The following XKR6 variants were observed in gnomAD, a reference collection of about 807,000 sequenced individuals.
The protein encoded by XKR6 is XK-related protein 6.
In XKR6, 22 loss-of-function variants were observed where a neutral mutation model predicts 56.7. The ratio of observed to expected loss-of-function variants is 0.39; its 90% CI spans 0.28 to 0.55. XKR6 has a LOEUF of 0.55. XKR6 is among the 20% of genes least tolerant of loss of function. The pLI is 0.66. For missense variants in XKR6, 852 were observed against 889.0 expected, an observed-to-expected ratio of 0.96 and a Z score of 0.53; for synonymous variants, 524 against 387.8, an observed-to-expected ratio of 1.35 and a Z score of -4.13.
At chr8:11,007,754 G>C (rs1179496980) in intron 1 of XKR6, among the ~76,000 whole-genome samples, 1 of 152,206 alleles carries the variant, frequency 6.6e-6, no homozygotes, top group African/African-American at 2.4e-5. Flanking sequence ...AGGAACAGAG[G>C]CAGCAGGGCA....
intron 1 of XKR6, among the ~76,000 whole-genome samples, chr8:11,040,604 T>G (rs1799262352): frequency 6.6e-6 from 1 of 152,100 alleles, no homozygotes; most frequent in Non-Finnish European, 1.5e-5. Context: ...TTCTGAAGGC[T>G]TGGGAGTCCA....
At chr8:11,097,873 G>T (rs1348970177) in intron 1 of XKR6, among the ~76,000 whole-genome samples, 1 of 146,444 alleles carries the variant, frequency 6.8e-6, no homozygotes. Flanking sequence ...AAATTCTACA[G>T]TTTTTTTTTT....
At chr8:11,075,834 T>C (rs905948207) in intron 1 of XKR6, among the ~76,000 whole-genome samples, 1 of 151,988 alleles carries the variant, frequency 6.6e-6, no homozygotes, top group East Asian at 1.9e-4. Flanking sequence ...GATCACACCA[T>C]TGCACTCCAG....
At chr8:11,015,262 G>A (rs149063003) in intron 1 of XKR6, among the ~76,000 whole-genome samples, 139 of 151,706 alleles carry the variant, frequency 9.2e-4, no homozygotes, top group African/African-American at 3.3e-3. Flanking sequence ...GCATTGCTCT[G>A]AAATCCTCTC....
Position 11,194,165 on chromosome 8 carries a change from C to T in XKR6, c.764+6411G>A, listed in dbSNP as rs1039248402. On this transcript the variant is annotated intron_variant, in intron 1 of 2. Transcript: ENST00000416569. ...ATCAAACCAGAATCTGAAATTCCCT[C>T]TTTAAAGCTATTTTCAAAGCACAAA... 8.5e-5 allele frequency among the ~76,000 whole-genome samples: 13 copies of T among 152,186 alleles called. 1 individual carries two copies. The highest frequency in any genetic ancestry group is 3.1e-4 in the African/African-American group (13 of 41,438).
chr8:10,950,273 C>A (rs540057833), intron 1 of XKR6, among the ~76,000 whole-genome samples: 2 of 152,370 alleles, frequency 1.3e-5, no homozygotes, highest in South Asian at 4.1e-4. Context: ...CAGCCCCCGG[C>A]CTCCTCTAGG....
chr8:11,040,849 A>G (rs1400830839), intron 1 of XKR6, among the ~76,000 whole-genome samples: 1 of 152,222 alleles, frequency 6.6e-6, no homozygotes, highest in Admixed American at 6.5e-5. Context: ...CCTGTAAAAC[A>G]GAATCATTGC....
chr8:11,177,810 C>T (rs1331797258), intron 1 of XKR6, among the ~76,000 whole-genome samples: 1 of 152,212 alleles, frequency 6.6e-6, no homozygotes, highest in African/African-American at 2.4e-5. Flanking sequence ...CTGCAGACTT[C>T]TAGCCTCAGG....
At chr8:11,008,887 A>G (rs1004687284) in intron 1 of XKR6, among the ~76,000 whole-genome samples, 1 of 152,118 alleles carries the variant, frequency 6.6e-6, no homozygotes, top group Non-Finnish European at 1.5e-5. Flanking sequence ...GGGCTCTTAC[A>G]GCCTGGGTCC....
chr8:11,149,484 A>G (rs1801159507), intron 1 of XKR6, among the ~76,000 whole-genome samples: 1 of 152,170 alleles, frequency 6.6e-6, no homozygotes, highest in Admixed American at 6.5e-5. Context: ...GATACTTTAC[A>G]TGTTGTCTAC....
chr8:10,898,929 C>A lies in XKR6; in HGVS notation c.962-13G>T. 6.3e-7 allele frequency: 1 copy of A among 1,580,892 alleles called. No homozygotes were observed. Among genetic ancestry groups the A allele is most frequent in the South Asian group, 1.2e-5 (1 of 85,182 alleles). ...ACAGAGGAGACACCTGCCGGAAAGA[C>A]ACAAACCCACACAGTCAAAACCTTG... On this transcript the variant is annotated splice_polypyrimidine_tract_variant and intron_variant, in intron 2 of 2. Coordinates refer to ENST00000416569, the MANE Select transcript of XKR6 (RefSeq NM_173683.4). This position sits in a 1 kb window ranked among gnomAD's most constrained non-coding sequence, Gnocchi z 6.6.
chr8:11,078,526 G>A (rs1800332753), intron 1 of XKR6, among the ~76,000 whole-genome samples: 1 of 152,216 alleles, frequency 6.6e-6, no homozygotes, highest in Admixed American at 6.5e-5. Flanking sequence ...GAGGTCACTG[G>A]TGAATCCTTG....
At chr8:10,983,899 C>A (rs1797792839) in intron 1 of XKR6, among the ~76,000 whole-genome samples, 1 of 152,130 alleles carries the variant, frequency 6.6e-6, no homozygotes, top group Non-Finnish European at 1.5e-5. Flanking sequence ...TCGTGATTCG[C>A]CTGCCTTGGC....
At chr8:11,039,660 T>G (rs1418757126) in intron 1 of XKR6, among the ~76,000 whole-genome samples, 2 of 152,204 alleles carry the variant, frequency 1.3e-5, no homozygotes, top group African/African-American at 4.8e-5. Context: ...AGTTCCAGCC[T>G]GGTGGCCCAC....
intron 1 of XKR6, among the ~76,000 whole-genome samples, chr8:11,191,217 A>G (rs560862222): frequency 8.5e-5 from 13 of 152,222 alleles, no homozygotes; most frequent in Admixed American, 3.3e-4. Context: ...ATCAAACCTT[A>G]AAGGTTAGAA....
intron 1 of XKR6, chr8:11,125,983 T>G (rs913564550): frequency 7.9e-5 from 12 of 152,166 alleles, no homozygotes; most frequent in Admixed American, 5.9e-4. Flanking sequence ...TCTAAATCTC[T>G]TTGTCTTTCT....
At chr8:11,170,996 T>G (rs1322047216) in intron 1 of XKR6, among the ~76,000 whole-genome samples, 1 of 152,256 alleles carries the variant, frequency 6.6e-6, no homozygotes, top group East Asian at 1.9e-4. Flanking sequence ...GAATTTAGAT[T>G]AGCAATCTTG....
intron 1 of XKR6, among the ~76,000 whole-genome samples, chr8:11,028,421 C>T (rs750689055): frequency 6.6e-6 from 1 of 152,202 alleles, no homozygotes; most frequent in African/African-American, 2.4e-5. Context: ...CATCTGTATG[C>T]AGATTTTTGT....
At chr8:10,980,706 T>C (rs1367737360) in intron 1 of XKR6, among the ~76,000 whole-genome samples, 1 of 152,188 alleles carries the variant, frequency 6.6e-6, no homozygotes, top group African/African-American at 2.4e-5. Context: ...CTACCCAAGT[T>C]GTATGGATTA....
Sources: allele counts gnomAD v4.1 joint callset (sites outside exome capture counted in the v4.1 genomes callset), GRCh38; gene constraint gnomAD v4.1.1; non-coding constraint Gnocchi (gnomAD v3.1); transcripts MANE v1.5; gene names NCBI Gene and HGNC (gene_info 2026-07-23, HGNC 2026-07-21).